Variants in FGFR3 observed in about 807,000 individuals in gnomAD.
FGFR3 encodes the protein fibroblast growth factor receptor 3, also known as FGFR-3.
Under a neutral mutation model 82.9 loss-of-function variants are expected in FGFR3, and 25 were observed. That is an observed-to-expected ratio of 0.30 (90% CI 0.22 to 0.42). FGFR3 has a LOEUF of 0.42. Ranked by LOEUF, FGFR3 falls within the 10% of genes least tolerant of loss-of-function variation. The pLI, the probability that FGFR3 is intolerant of heterozygous loss-of-function variation, is 1.00. For synonymous variants in FGFR3, 620 were observed against 516.0 expected (o/e 1.20, Z -2.73); for missense variants, 1,026 against 1,161.0 (o/e 0.88, Z 1.69).
At chr4:1,796,123 G>A (rs1024516708) in intron 2 of FGFR3, among the ~76,000 whole-genome samples, 3 of 152,166 alleles carry the variant, frequency 2.0e-5, no homozygotes, top group African/African-American at 7.2e-5. Context: ...GCCCTCACCT[G>A]AGTGATTCAG....
intron 2 of FGFR3, 83 bp from the exon 3 acceptor site, chr4:1,799,171 G>GC: frequency 6.3e-7 from 1 of 1,595,248 alleles, no homozygotes; most frequent in Non-Finnish European, 8.6e-7. Context: ...CTCACTCAGG[G>GC]CCGCCGAGGC....
At position 1,804,801 on chromosome 4, in the gene FGFR3, C is replaced by T. The variant is rs1029940812; in HGVS notation, c.1267-23C>T. 5 of 1,549,232 alleles carry T rather than the reference C, an allele frequency of 3.2e-6. No homozygotes were observed. The Admixed American group carries it at 7.8e-5, about 24-fold the overall frequency. Reference sequence around the variant, plus strand: ...CGCCCTGTCGCCCACGCGGCGCCAACCTGCCCCTGCTGACCCAAGCAGGTG... The same window carrying T: ...CGCCCTGTCGCCCACGCGGCGCCAATCTGCCCCTGCTGACCCAAGCAGGTG... On this transcript the variant is annotated intron_variant, in intron 9 of 17. Coordinates refer to ENST00000440486, the MANE Select transcript of FGFR3 (RefSeq NM_000142.5).
At chr4:1,796,699 G>A (rs1250455282) in intron 2 of FGFR3, among the ~76,000 whole-genome samples, 1 of 152,162 alleles carries the variant, frequency 6.6e-6, no homozygotes, top group Non-Finnish European at 1.5e-5. Flanking sequence ...AGAGCCTGGA[G>A]AAAGGTTCCC....
At position 1,804,381 on chromosome 4, in the gene FGFR3, T is replaced by A. The variant is rs767787097; in HGVS notation, c.1127T>A (p.Ile376Asn). ...GAGGCGGGCAGTGTGTATGCAGGCA[T>A]CCTCAGCTACGGGGTGGGCTTCTTC... Reference protein sequence around the residue: ...ADEAGSVYAGILSYGVGFFLF... With the variant: ...ADEAGSVYAGNLSYGVGFFLF... Residue 376 changes from isoleucine (I) to asparagine (N), a missense_variant, in exon 9 of 18, where the codon ATC becomes AAC. Coordinates refer to ENST00000440486, the MANE Select transcript of FGFR3 (RefSeq NM_000142.5). The A allele has an allele frequency of 6.2e-7, 1 of 1,612,886 alleles. No individual in the cohort carries two copies. Among genetic ancestry groups the A allele is most frequent in the Non-Finnish European group, 8.5e-7 (1 of 1,179,660 alleles).
Position 1,807,735 on chromosome 4 carries a change from A to G in FGFR3, c.*473A>G. On this transcript the variant is annotated 3_prime_UTR_variant, in exon 18 of 18. Coordinates refer to ENST00000440486, the MANE Select transcript of FGFR3 (RefSeq NM_000142.5). ...TCCAGCACCTTGTGCCTGGGGTGTT[A>G]GTGGCACCGCCTCCCCACCTCCAGG... The G allele has an allele frequency of 1.7e-6, 1 of 595,648 alleles. No individual in the cohort carries two copies. The highest frequency in any genetic ancestry group is 3.3e-6 in the Non-Finnish European group (1 of 307,282). 36.9% of individuals were successfully genotyped at this position (595,648 alleles called of 1,614,324 possible). A position where few individuals can be genotyped will look rare whatever the true frequency, so the allele number is the denominator to read the frequency against.
chr4:1,798,648 C>T (rs991806709), intron 2 of FGFR3, among the ~76,000 whole-genome samples: 26 of 151,954 alleles, frequency 1.7e-4, no homozygotes, highest in African/African-American at 6.0e-4. Flanking sequence ...CCTTCCTTCT[C>T]GCCTGTTCTG....
At chr4:1,798,453 G>A (rs1033038635) in intron 2 of FGFR3, among the ~76,000 whole-genome samples, 11 of 151,736 alleles carry the variant, frequency 7.2e-5, no homozygotes, top group Admixed American at 3.9e-4. Context: ...TGCTCTTCTC[G>A]GTATGTTTTC....
chr4:1,806,235 C>T (rs1327640423), intron 14 of FGFR3, 22 bp from the exon 15 acceptor site: 1 of 1,612,978 alleles, frequency 6.2e-7, no homozygotes. Context: ...GGCGCCAACA[C>T]CGCCTTCCCA....
chr4:1,807,288 A>G lies in FGFR3; in HGVS notation c.*26A>G. 6.3e-7 allele frequency: 1 copy of G among 1,575,638 alleles called. No individual in the cohort carries two copies. Among genetic ancestry groups the G allele is most frequent in the Non-Finnish European group, 8.6e-7 (1 of 1,164,672 alleles). ...AGGGCCACTGGTCCCCAACAATGTG[A>G]GGGGTCCCTAGCAGCCCACCCTGCT... On this transcript the variant is annotated 3_prime_UTR_variant, in exon 18 of 18. Coordinates refer to ENST00000440486, the MANE Select transcript of FGFR3 (RefSeq NM_000142.5).
rs1174982652 is a variant in FGFR3 at position 1,807,201 on chromosome 4, C to G, written c.2360C>G (p.Ser787Cys). 3.1e-6 allele frequency: 5 copies of G among 1,608,184 alleles called. No homozygotes were observed. The highest frequency in any genetic ancestry group is 1.3e-5 in the African/African-American group (1 of 74,850). The change falls in exon 18 of 18, where the codon TCC becomes TGC. Residue 787 changes from serine (S) to cysteine (C), a missense_variant. This residue lies in a region of FGFR3 where 155 missense variants were observed against 150.2 expected (regional missense o/e 1.03). Transcript: ENST00000440486. The part of the protein sequence containing the change: ...TPSSSSSGDD[S>C]VFAHDLLPPA... Reference sequence around the variant, plus strand: ...AGCTCCAGCTCCTCAGGGGACGACTCCGTGTTTGCCCACGACCTGCTGCCC... The same window carrying G: ...AGCTCCAGCTCCTCAGGGGACGACTGCGTGTTTGCCCACGACCTGCTGCCC...
intron 7 of FGFR3, 114 bp from the exon 8 acceptor site, chr4:1,803,578 G>T: frequency 6.6e-7 from 1 of 1,512,292 alleles, no homozygotes. Context: ...GGTGGCTGAG[G>T]AGTTGGTGGT....
In FGFR3 at chr4:1,807,588, C is replaced by A. The variant is rs774764362; in HGVS notation, c.*326C>A. ...TAAGTGGGCCCACCCGGTGGGACCC[C>A]CGTGGGGCAGGGAGCTGGGCCCGAC... On this transcript the variant is annotated 3_prime_UTR_variant, in exon 18 of 18. Transcript: ENST00000440486. 2 of 683,332 alleles carry A rather than the reference C, an allele frequency of 2.9e-6. No homozygotes were observed. Among genetic ancestry groups the A allele is most frequent in the Non-Finnish European group, 5.5e-6 (2 of 364,116 alleles). 42.3% of individuals were successfully genotyped at this position (683,332 alleles called of 1,614,324 possible).
At chr4:1,799,936 G>A (rs1720996043) in intron 4 of FGFR3, 124 bp downstream of exon 4, 4 of 1,077,558 alleles carry the variant, frequency 3.7e-6, no homozygotes, top group Non-Finnish European at 5.4e-6. Flanking sequence ...TCACCCCGAA[G>A]GTCTGGTCCC....
In FGFR3 at chr4:1,803,849, G is replaced by A. The variant is rs531787175; in HGVS notation, c.1075+13G>A. 4 of 1,597,196 alleles carry A rather than the reference G, an allele frequency of 2.5e-6. No homozygotes were observed. The highest frequency in any genetic ancestry group is 2.7e-5 in the African/African-American group (2 of 74,744). ...GTGGTGCTGCCAGGTACCGGCTTCTGCTGCTGCTGCTGCTCCGCACTGTCT... is the reference window on the plus strand; with the variant it reads ...GTGGTGCTGCCAGGTACCGGCTTCTACTGCTGCTGCTGCTCCGCACTGTCT... On this transcript the variant is annotated intron_variant, in intron 8 of 17. Coordinates refer to ENST00000440486, the MANE Select transcript of FGFR3 (RefSeq NM_000142.5).
chr4:1,804,617 C>G, intron 9 of FGFR3, 97 bp downstream of exon 9: 1 of 1,536,776 alleles, frequency 6.5e-7, no homozygotes, highest in Non-Finnish European at 8.9e-7. Flanking sequence ...TGTGAGCCCT[C>G]TCTGCAGCCA....
chr4:1,808,044 A>G lies in FGFR3; in HGVS notation c.*782A>G, dbSNP rs1409541902. Reference sequence around the variant, plus strand: ...GGCCCCAGGGGGTCTCACCCATGCAAGCAGAGGACCAGGGCCTTTTCTGGC... The same window carrying G: ...GGCCCCAGGGGGTCTCACCCATGCAGGCAGAGGACCAGGGCCTTTTCTGGC... On this transcript the variant is annotated 3_prime_UTR_variant, in exon 18 of 18. Coordinates refer to ENST00000440486, the MANE Select transcript of FGFR3 (RefSeq NM_000142.5). 7 of 234,424 alleles carry G rather than the reference A, an allele frequency of 3.0e-5. No homozygotes were observed. Among genetic ancestry groups the G allele is most frequent in the Admixed American group, 5.5e-5 (1 of 18,040 alleles). The allele number at this position is 234,424 out of a possible 1,614,324, so 14.5% of individuals were successfully genotyped here.
intron 2 of FGFR3, among the ~76,000 whole-genome samples, chr4:1,796,628 G>A (rs997000311): frequency 4.6e-5 from 7 of 152,154 alleles, no homozygotes; most frequent in African/African-American, 1.7e-4. Flanking sequence ...GATGGAGCAA[G>A]GCTCCCCCAT....
rs886038257 is a variant in FGFR3, at chr4:1,801,826, C to T, written c.740-9C>T. On this transcript the variant is annotated splice_polypyrimidine_tract_variant and intron_variant, in intron 6 of 17. Transcript: ENST00000440486. ...GGGGGTGGCCCCTGAGCGTCATCTGCCCCCACAGAGCGCTCCCCGCACCGG... is the reference window on the plus strand; with the variant it reads ...GGGGGTGGCCCCTGAGCGTCATCTGTCCCCACAGAGCGCTCCCCGCACCGG... 1.2e-5 allele frequency: 20 copies of T among 1,604,462 alleles called. No homozygotes were observed. The Admixed American group carries it at 1.5e-4, about 12-fold the overall frequency.
rs1016431267 is a variant in FGFR3 at position 1,806,911 on chromosome 4, G to A, written c.2251G>A (p.Val751Ile). The change falls in exon 17 of 18, where the codon GTC becomes ATC. Residue 751 changes from valine to isoleucine, a missense_variant. By Grantham distance (29) the Val-to-Ile change is conservative (BLOSUM62 3). This residue lies in a region of FGFR3 where 155 missense variants were observed against 150.2 expected (regional missense o/e 1.03). Transcript: ENST00000440486. ...FKQLVEDLDR[V>I]LTVTSTDEYL... Reference sequence around the variant, plus strand: ...GCAGCTGGTGGAGGACCTGGACCGTGTCCTTACCGTGACGTCCACCGACGT... The same window carrying A: ...GCAGCTGGTGGAGGACCTGGACCGTATCCTTACCGTGACGTCCACCGACGT... The A allele has an allele frequency of 1.9e-6, 3 of 1,610,290 alleles. No individual in the cohort carries two copies. Among genetic ancestry groups the A allele is most frequent in the African/African-American group, 2.7e-5 (2 of 74,860 alleles).
Sources: gnomAD v4.1 joint callset for allele counts (sites outside exome capture counted in the v4.1 genomes callset) on GRCh38, gnomAD v4.1.1 for gene constraint, gnomAD v4.1.1 regional missense constraint, MANE v1.5 for transcripts, NCBI Gene and HGNC (gene_info 2026-07-23, HGNC 2026-07-21) for gene names.